Variants in ANKHD1 observed in about 807,000 individuals in gnomAD.
ANKHD1 encodes ankyrin repeat and KH domain-containing protein 1.
In ANKHD1, 31 loss-of-function variants were observed where a neutral mutation model predicts 230.5. That is an observed-to-expected ratio of 0.13 (90% CI 0.10 to 0.18). ANKHD1 has a LOEUF of 0.18. Among genes scored for constraint, ANKHD1 ranks in the 10% least tolerant of loss-of-function variants. ANKHD1 has a pLI of 1.00. For missense variants in ANKHD1, 2,256 were observed against 3,071.3 expected (o/e 0.73, Z 6.27); for synonymous variants, 1,074 against 1,117.6 (o/e 0.96, Z 0.78).
chr5:140,465,330 A>G (rs569546772), intron 10 of ANKHD1, among the ~76,000 whole-genome samples: 1 of 152,164 alleles, frequency 6.6e-6, no homozygotes, highest in South Asian at 2.1e-4. Context: ...CATTCCTACA[A>G]ATTCTATTCT....
intron 14 of ANKHD1, among the ~76,000 whole-genome samples, chr5:140,495,435 C>T (rs1452031376): frequency 6.6e-5 from 10 of 151,808 alleles, no homozygotes; most frequent in East Asian, 3.9e-4. Context: ...TTAGTAGAGA[C>T]GGGGTTTCAC....
In ANKHD1 at chr5:140,524,110, AAAAAG is replaced by A; in HGVS notation, c.4374_4378del (p.Arg1460LysfsTer14). ...AGCAGGCTCTTGCTGCTAAAAGAGA[AAAAAG>A]AAAAGAAAAGAGAAAAAAGAAAAAA... On this transcript the variant is annotated frameshift_variant, in exon 25 of 34. Transcript: ENST00000360839. LOFTEE classifies it high-confidence loss of function. 2 of 1,592,154 alleles carry A rather than the reference AAAAAG, an allele frequency of 1.3e-6. No individual in the cohort carries two copies. The highest frequency in any genetic ancestry group is 1.7e-6 in the Non-Finnish European group (2 of 1,174,298).
At chr5:140,514,704 C>G (rs964193929) in intron 24 of ANKHD1, among the ~76,000 whole-genome samples, 21 of 152,258 alleles carry the variant, frequency 1.4e-4, no homozygotes, top group Middle Eastern at 6.8e-3. Context: ...GGAGCGGTAG[C>G]TCACACCTGT....
Position 140,510,088 on chromosome 5 carries a change from T to C in ANKHD1, c.4011T>C (p.His1337=). 2 of 1,614,072 alleles carry C rather than the reference T, an allele frequency of 1.2e-6. No individual in the cohort carries two copies. The highest frequency in any genetic ancestry group is 1.7e-6 in the Non-Finnish European group (2 of 1,180,002). The change falls in exon 22 of 34, where the codon CAT becomes CAC. Residue 1337 remains histidine, a synonymous_variant. Transcript: ENST00000360839. The part of the protein sequence containing the change: ...TPLWLASNGG[H]FDVVQLLVQA... ...TTTGGCTGGCATCCAATGGAGGTCA[T>C]TTTGATGTTGTGCAGTTGCTAGTGC...
intron 1 of ANKHD1, among the ~76,000 whole-genome samples, chr5:140,427,443 C>T (rs1328470327): frequency 2.2e-5 from 3 of 135,216 alleles, no homozygotes; most frequent in Non-Finnish European, 4.8e-5. Context: ...ACCTCTCTCC[C>T]GGACGGGGCG....
chr5:140,518,775 G>A (rs1753172727), intron 24 of ANKHD1, among the ~76,000 whole-genome samples: 1 of 152,114 alleles, frequency 6.6e-6, no homozygotes, highest in South Asian at 2.1e-4. Flanking sequence ...AGGTATTGAT[G>A]GGACGTATCT....
chr5:140,402,112 G>A lies in ANKHD1; in HGVS notation c.145G>A (p.Glu49Lys). Residue 49 changes from glutamate (E) to lysine (K), a missense_variant, in exon 1 of 34, where the codon GAG (glutamate) becomes AAG (lysine). Transcript: ENST00000360839. ...GATCCGCACCGTGAGGCTCTTTGGG[G>A]AGGCCGGGCCAGCGTCGGGAGTCGG... Reference protein sequence around the residue: ...LGIRTVRLFGEAGPASGVGSS... With the variant: ...LGIRTVRLFGKAGPASGVGSS... 6.5e-7 allele frequency: 1 copy of A among 1,536,152 alleles called. No homozygotes were observed.
At chr5:140,531,301 C>G (rs1753805016) in intron 29 of ANKHD1, 1 of 427,224 alleles carries the variant, frequency 2.3e-6, no homozygotes, top group Non-Finnish European at 4.7e-6. Context: ...GTAATACCGA[C>G]TGAGCGTGGT....
chr5:140,427,919 CG>C (rs1397344606), intron 1 of ANKHD1, among the ~76,000 whole-genome samples: 2 of 149,464 alleles, frequency 1.3e-5, no homozygotes, highest in African/African-American at 5.0e-5. Context: ...ACTTCTCAGA[CG>C]GGGCGGTTGC....
rs985526618 is a variant in ANKHD1, at chr5:140,497,202, A to T, written c.2928A>T (p.Leu976Phe). ...TTACTGGACATGATCAGGGGCTGTT[A>T]GTTCAAGAACCAGATGGACTAATGG... ...IAITGHDQGL[L>F]VQEPDGLMVA... The change falls in exon 15 of 34, where the codon TTA becomes TTT. Residue 976 changes from leucine to phenylalanine, a missense_variant. By Grantham distance (22) the Leu-to-Phe change is conservative (BLOSUM62 0). Transcript: ENST00000360839. The T allele has an allele frequency of 5.0e-6, 8 of 1,612,596 alleles. No individual in the cohort carries two copies. In the East Asian group the frequency reaches 1.8e-4, roughly 36 times the overall value.
At chr5:140,458,565 TAAA>T in intron 7 of ANKHD1, 57 bp from the exon 8 acceptor site, 1 of 1,544,136 alleles carries the variant, frequency 6.5e-7, no homozygotes, top group East Asian at 2.3e-5. Flanking sequence ...CTCTCCCACT[TAAA>T]AAAATCTCAA....
At position 140,485,197 on chromosome 5, in the gene ANKHD1, A is replaced by T. The variant is rs370744448; in HGVS notation, c.1947A>T (p.Ala649=). 40 of 1,613,860 alleles carry T rather than the reference A, an allele frequency of 2.5e-5. No homozygotes were observed. The highest frequency in any genetic ancestry group is 1.0e-4 in the Admixed American group (6 of 59,962). ...VSLACAGGHL[A]VVELLLAHGA... ...TGGCATGTGCAGGAGGCCACCTGGC[A>T]GTTGTTGAGCTTCTCTTGGCTCATG... Residue 649 remains alanine, a synonymous_variant, in exon 12 of 34, where the codon GCA becomes GCT. Transcript: ENST00000360839. This position sits in a 1 kb window ranked among gnomAD's most constrained non-coding sequence, Gnocchi z 4.8.
rs1312855767 is a variant in ANKHD1, at chr5:140,538,938, A to G, written c.7424A>G (p.Tyr2475Cys). Residue 2475 changes from tyrosine (Y) to cysteine (C), a missense_variant, in exon 33 of 34, where the codon TAT becomes TGT. Tyr to Cys is a radical substitution (Grantham distance 194, BLOSUM62 -2). This residue lies in a region of ANKHD1 where 778 missense variants were observed against 966.5 expected (regional missense o/e 0.80). Coordinates refer to ENST00000360839, the MANE Select transcript of ANKHD1 (RefSeq NM_017747.3). ...TTTTAGGGTCTGCCAATTTCCATGT[A>G]TGGAGGCACCATAATACCCTCTCAT... is the stretch of plus-strand genomic sequence containing the variant. ...DFSKGLPISM[Y>C]GGTIIPSHPQ... 1 of 1,563,634 alleles carries G rather than the reference A, an allele frequency of 6.4e-7. No homozygotes were observed. Among genetic ancestry groups the G allele is most frequent in the Non-Finnish European group, 8.6e-7 (1 of 1,157,002 alleles).
Position 140,526,457 on chromosome 5 carries a change from A to G in ANKHD1, c.4940+14A>G. On this transcript the variant is annotated intron_variant, in intron 26 of 33. Coordinates refer to ENST00000360839, the MANE Select transcript of ANKHD1 (RefSeq NM_017747.3). The stretch of plus-strand genomic sequence containing the variant: ...AACTCAGACACGGTAAATTTTTCTG[A>G]TTTGTTAACTCTACCTGCACCTTTC... The G allele has an allele frequency of 6.3e-7, 1 of 1,594,304 alleles. No individual in the cohort carries two copies. Among genetic ancestry groups the G allele is most frequent in the Non-Finnish European group, 8.5e-7 (1 of 1,171,264 alleles).
At chr5:140,458,344 T>C (rs1377511233) in intron 7 of ANKHD1, among the ~76,000 whole-genome samples, 1 of 152,186 alleles carries the variant, frequency 6.6e-6, no homozygotes, top group Non-Finnish European at 1.5e-5. Flanking sequence ...TTAAAATTAT[T>C]TGGATTTGTG....
At chr5:140,448,110 G>A (rs146646224) in intron 6 of ANKHD1, among the ~76,000 whole-genome samples, 7 of 152,276 alleles carry the variant, frequency 4.6e-5, no homozygotes, top group Admixed American at 2.0e-4. Context: ...TGAGGTGGAC[G>A]GATCCCTTGA....
chr5:140,498,286 A>G (rs1278692205), intron 15 of ANKHD1: 7 of 152,156 alleles, frequency 4.6e-5, no homozygotes, highest in Non-Finnish European at 7.3e-5. Context: ...TCCCATCCCA[A>G]TTATGCTATC....
chr5:140,503,755 C>T (rs528659639), intron 15 of ANKHD1, among the ~76,000 whole-genome samples: 24 of 150,832 alleles, frequency 1.6e-4, no homozygotes, highest in African/African-American at 3.9e-4. Flanking sequence ...TTAGTAGAGA[C>T]GGGGTTTTGC....
chr5:140,445,635 G>T, intron 5 of ANKHD1, 107 bp from the exon 6 acceptor site: 1 of 1,062,802 alleles, frequency 9.4e-7, no homozygotes, highest in Non-Finnish European at 1.2e-6. Context: ...AATCATAATT[G>T]TATCTGTTCT....
Sources: allele counts gnomAD v4.1 joint callset (sites outside exome capture counted in the v4.1 genomes callset), GRCh38; gene constraint gnomAD v4.1.1; regional missense constraint gnomAD v4.1.1; non-coding constraint Gnocchi (gnomAD v3.1); transcripts MANE v1.5; gene names NCBI Gene and HGNC (gene_info 2026-07-23, HGNC 2026-07-21).